GSK3B: variants seen among roughly 807,000 people sequenced by gnomAD.
GSK3B encodes the protein glycogen synthase kinase 3 beta.
In GSK3B, 15 loss-of-function variants were observed where a neutral mutation model predicts 56.4. That is an observed-to-expected ratio of 0.27 (90% CI 0.18 to 0.41). GSK3B has a LOEUF of 0.41. Among genes scored for constraint, GSK3B ranks in the 10% least tolerant of loss-of-function variants. The pLI, the probability that GSK3B is intolerant of heterozygous loss-of-function variation, is 1.00. For missense variants in GSK3B, 300 were observed against 513.4 expected (o/e 0.58, Z 4.02); for synonymous variants, 181 against 188.9 (o/e 0.96, Z 0.34).
intron 2 of GSK3B, among the ~76,000 whole-genome samples, chr3:119,959,552 T>C (rs1486081214): frequency 5.6e-5 from 8 of 142,396 alleles, no homozygotes; most frequent in Non-Finnish European, 1.1e-4. Flanking sequence ...CCTCACTCTG[T>C]CGCCCAGGCT....
At chr3:120,008,154 C>T (rs1204813486) in intron 1 of GSK3B, among the ~76,000 whole-genome samples, 1 of 152,074 alleles carries the variant, frequency 6.6e-6, no homozygotes, top group Non-Finnish European at 1.5e-5. Context: ...AATAAAATAC[C>T]TAGGAATACA....
At chr3:120,064,186 A>G (rs1348144962) in intron 1 of GSK3B, among the ~76,000 whole-genome samples, 1 of 151,768 alleles carries the variant, frequency 6.6e-6, no homozygotes, top group Non-Finnish European at 1.5e-5. Context: ...TAAGAGAAAA[A>G]AAGTATAAAG....
intron 2 of GSK3B, among the ~76,000 whole-genome samples, chr3:119,952,072 A>G (rs142228253): frequency 3.9e-5 from 6 of 152,326 alleles, no homozygotes; most frequent in Non-Finnish European, 8.8e-5. Flanking sequence ...ATAACATCAC[A>G]CATATCAACA....
In GSK3B at chr3:120,029,822, C is replaced by T. The variant is rs530918841; in HGVS notation, c.89-27583G>A. On this transcript the variant is annotated intron_variant, in intron 1 of 10. Coordinates refer to ENST00000264235, the MANE Select transcript of GSK3B (RefSeq NM_001146156.2). ...GGGAGCTTCTAGTGAAAATCTGGCA[C>T]GAAATGAGGACTAATGGCCCCCAAA... The T allele has an allele frequency of 6.9e-5, 38 of 552,314 alleles. 2 individuals are homozygous for T. Among genetic ancestry groups the T allele is most frequent in the African/African-American group, 7.6e-5 (4 of 52,528 alleles). 34.2% of individuals were successfully genotyped at this position (552,314 alleles called of 1,614,324 possible). A position where few individuals can be genotyped will look rare whatever the true frequency, so the allele number is the denominator to read the frequency against.
At chr3:119,855,424 T>C (rs1474408830) in intron 9 of GSK3B, among the ~76,000 whole-genome samples, 1 of 152,232 alleles carries the variant, frequency 6.6e-6, no homozygotes, top group Non-Finnish European at 1.5e-5. Flanking sequence ...AGTGTGGCGA[T>C]TCCTCAAGGA....
At position 120,081,324 on chromosome 3, in the gene GSK3B, G is replaced by A. The variant is rs181053501; in HGVS notation, c.88+12023C>T. Among the ~76,000 whole-genome samples, 137 of 151,760 alleles carry A rather than the reference G, an allele frequency of 9.0e-4. 1 individual carries two copies. In the Middle Eastern group the frequency reaches 0.01, roughly 11 times the overall value. On this transcript the variant is annotated intron_variant, in intron 1 of 10. Transcript: ENST00000264235. ...AATCCCAACACTTTGGGAGGCGGGCGGATCACAAGATCAGGAGATAGAGAC... is the reference window on the plus strand; with the variant it reads ...AATCCCAACACTTTGGGAGGCGGGCAGATCACAAGATCAGGAGATAGAGAC...
chr3:119,970,497 C>T (rs775396823), intron 2 of GSK3B, among the ~76,000 whole-genome samples: 5 of 151,628 alleles, frequency 3.3e-5, no homozygotes, highest in African/African-American at 9.7e-5. Flanking sequence ...ATCAGCCGGG[C>T]GCGGTGGCTC....
chr3:120,090,742 GC>G (rs1460249110), intron 1 of GSK3B, among the ~76,000 whole-genome samples: 1 of 152,032 alleles, frequency 6.6e-6, no homozygotes, highest in East Asian at 1.9e-4. Flanking sequence ...TAATTCAACT[GC>G]AAAAATCATC....
chr3:119,923,226 A>G (rs906505340), intron 4 of GSK3B, 147 bp downstream of exon 4: 5 of 477,888 alleles, frequency 1.0e-5, no homozygotes, highest in Non-Finnish European at 1.9e-5. Context: ...AAACTGTAAA[A>G]GGATTTAACA....
chr3:119,944,160 A>G (rs2057076503), intron 3 of GSK3B, among the ~76,000 whole-genome samples: 2 of 152,114 alleles, frequency 1.3e-5, no homozygotes, highest in African/African-American at 4.8e-5. Context: ...TCTCATCTTC[A>G]CAATGTCCTC....
intron 1 of GSK3B, among the ~76,000 whole-genome samples, chr3:120,066,550 G>A (rs2058279984): frequency 6.6e-6 from 1 of 152,100 alleles, no homozygotes; most frequent in Admixed American, 6.5e-5. Flanking sequence ...AAAGAATCAA[G>A]ACTTACCCTG....
intron 3 of GSK3B, among the ~76,000 whole-genome samples, chr3:119,945,805 G>T (rs1378047559): frequency 6.6e-6 from 1 of 151,918 alleles, no homozygotes; most frequent in African/African-American, 2.4e-5. Context: ...TTGTAATCCA[G>T]CAGTTTATGG....
intron 4 of GSK3B, among the ~76,000 whole-genome samples, chr3:119,919,403 T>A (rs2056813791): frequency 6.6e-6 from 1 of 151,262 alleles, no homozygotes; most frequent in African/African-American, 2.4e-5. Flanking sequence ...GATCAACTCA[T>A]AACTCATCAA....
chr3:120,076,813 CAA>C (rs202058386), intron 1 of GSK3B, among the ~76,000 whole-genome samples: 762 of 45,478 alleles, frequency 0.017, no homozygotes, highest in Non-Finnish European at 0.019. Context: ...AACTCCGTCT[CAA>C]AAAAAAAAAA....
chr3:119,942,519 C>T (rs779038411), intron 3 of GSK3B, among the ~76,000 whole-genome samples: 4 of 152,026 alleles, frequency 2.6e-5, no homozygotes, highest in Non-Finnish European at 4.4e-5. Context: ...AAGCTGGTCT[C>T]GATTCAACCG....
At chr3:119,952,500 A>G (rs187580013) in intron 2 of GSK3B, among the ~76,000 whole-genome samples, 11,556 of 149,080 alleles carry the variant, frequency 0.078, 613 homozygotes, top group Non-Finnish European at 0.12. Context: ...AAAAAAAAAA[A>G]AAAGAAAAGA....
intron 5 of GSK3B, among the ~76,000 whole-genome samples, chr3:119,914,560 A>G (rs1040578431): frequency 6.6e-6 from 1 of 152,040 alleles, no homozygotes; most frequent in African/African-American, 2.4e-5. Flanking sequence ...AGTTTTTCCT[A>G]TAGACAAGTA....
intron 3 of GSK3B, among the ~76,000 whole-genome samples, chr3:119,925,189 CGTG>C (rs563175580): frequency 1.3e-5 from 2 of 152,062 alleles, no homozygotes; most frequent in Non-Finnish European, 2.9e-5. Context: ...ATTAGCCAGG[CGTG>C]GTGGTGTGCA....
intron 1 of GSK3B, among the ~76,000 whole-genome samples, chr3:120,055,604 C>G (rs1358418191): frequency 6.6e-6 from 1 of 151,978 alleles, no homozygotes; most frequent in Admixed American, 6.6e-5. Flanking sequence ...GAGGGGAGAA[C>G]ACATCAAGAA....
Sources: gnomAD v4.1 joint callset for allele counts (sites outside exome capture counted in the v4.1 genomes callset) on GRCh38, gnomAD v4.1.1 for gene constraint, MANE v1.5 for transcripts, NCBI Gene and HGNC (gene_info 2026-07-23, HGNC 2026-07-21) for gene names.